Variants in ERAP1 observed in about 807,000 individuals in gnomAD.
ERAP1 encodes adipocyte-derived leucine aminopeptidase.
ERAP1 carries 86 observed loss-of-function variants against 103.7 expected under a neutral mutation model. The observed-to-expected ratio is 0.83, with a 90% CI of 0.70 to 0.99. The LOEUF (loss-of-function observed/expected upper bound fraction) is 0.99, where lower values mean the gene tolerates loss of function less well. Ranked by LOEUF, ERAP1 falls within the 50% of genes least tolerant of loss-of-function variation. ERAP1 has a pLI of 0.00. For missense variants in ERAP1, 1,009 were observed against 1,128.4 expected, an observed-to-expected ratio of 0.89 and a Z score of 1.52; for synonymous variants, 398 against 402.4, an observed-to-expected ratio of 0.99 and a Z score of 0.13.
chr5:96,807,995 C>T, upstream of ERAP1: 4 of 985,614 alleles, frequency 4.1e-6, no homozygotes, highest in Non-Finnish European at 4.8e-6. Context: ...CGGCCCGAGC[C>T]CTAGCGGCAG....
chr5:96,767,027 T>C (rs1032324928), intron 19 of ERAP1, among the ~76,000 whole-genome samples: 3 of 152,202 alleles, frequency 2.0e-5, no homozygotes, highest in African/African-American at 4.8e-5. Context: ...CTTTGGGAAA[T>C]TTATTATTTA....
the ERAP1 span, chr5:96,918,237 C>T: frequency 6.6e-6 from 1 of 152,384 alleles, no homozygotes. Context: ...TATTTAGCCT[C>T]AAGTGACTTT....
chr5:96,854,454 CA>C, the ERAP1 span, among the ~76,000 whole-genome samples: 16 of 148,800 alleles, frequency 1.1e-4, no homozygotes, highest in East Asian at 3.9e-4. Flanking sequence ...AAACAAACAA[CA>C]AAAAAAAAAC....
chr5:96,829,469 A>G, the ERAP1 span, among the ~76,000 whole-genome samples: 2 of 152,210 alleles, frequency 1.3e-5, no homozygotes, highest in African/African-American at 4.8e-5. Flanking sequence ...ATACATTAAG[A>G]CTTCCGGATT....
the ERAP1 span, among the ~76,000 whole-genome samples, chr5:96,892,929 T>A: frequency 3.3e-5 from 5 of 152,200 alleles, no homozygotes; most frequent in African/African-American, 1.2e-4. Context: ...CCTGGGCACA[T>A]ACCTAACTCT....
chr5:96,887,036 G>A, the ERAP1 span, among the ~76,000 whole-genome samples: 1 of 146,074 alleles, frequency 6.8e-6, no homozygotes, highest in Admixed American at 6.9e-5. Context: ...CATAGTAACA[G>A]TATTTACTTA....
the ERAP1 span, chr5:96,915,752 A>G: frequency 1.2e-6 from 2 of 1,602,218 alleles, no homozygotes; most frequent in Non-Finnish European, 1.7e-6. Context: ...CTTTTCTTCC[A>G]AGGATAAGTT....
the ERAP1 span, chr5:96,814,455 T>G: frequency 2.8e-6 from 1 of 355,636 alleles, no homozygotes; most frequent in South Asian, 2.3e-5. Flanking sequence ...TAGTCTGTGT[T>G]TTTGAGGCAG....
chr5:96,888,543 C>T, the ERAP1 span, among the ~76,000 whole-genome samples: 4 of 152,052 alleles, frequency 2.6e-5, no homozygotes, highest in Non-Finnish European at 5.9e-5. Context: ...AAATGGTGGC[C>T]GTTTACATTT....
the ERAP1 span, chr5:96,896,276 C>A: frequency 1.0e-6 from 1 of 959,980 alleles, no homozygotes; most frequent in Non-Finnish European, 1.5e-6. Flanking sequence ...CGATTGAAAT[C>A]TTACCTCTAA....
intron 1 of ERAP1, chr5:96,805,834 G>A (rs1319895918): frequency 6.6e-6 from 1 of 152,258 alleles, no homozygotes; most frequent in African/African-American, 2.4e-5. Context: ...GTTCAAGCAT[G>A]TAAGGACTCT....
chr5:96,853,627 T>C, the ERAP1 span, among the ~76,000 whole-genome samples: 1 of 152,094 alleles, frequency 6.6e-6, no homozygotes, highest in African/African-American at 2.4e-5. Context: ...TTATGATGTG[T>C]ATTTATTCAC....
At chr5:96,791,404 C>T (rs1296343579) in intron 8 of ERAP1, among the ~76,000 whole-genome samples, 2 of 152,176 alleles carry the variant, frequency 1.3e-5, no homozygotes, top group African/African-American at 4.8e-5. Flanking sequence ...GGTAAAACAA[C>T]AGCCAAGCAC....
At chr5:96,905,164 G>C in the ERAP1 span, among the ~76,000 whole-genome samples, 1 of 152,180 alleles carries the variant, frequency 6.6e-6, no homozygotes, top group African/African-American at 2.4e-5. Context: ...TATTTGAAAT[G>C]TCATGACATG....
chr5:96,924,733 G>A, the ERAP1 span, among the ~76,000 whole-genome samples: 2 of 152,004 alleles, frequency 1.3e-5, no homozygotes, highest in African/African-American at 2.4e-5. Context: ...GAGTAGCCGG[G>A]ACTACAGGCA....
chr5:96,779,926 C>A (rs571587860), intron 18 of ERAP1, among the ~76,000 whole-genome samples: 4 of 152,260 alleles, frequency 2.6e-5, no homozygotes, highest in South Asian at 4.1e-4. Context: ...TATCACCTGT[C>A]CATTATGTAT....
the ERAP1 span, among the ~76,000 whole-genome samples, chr5:96,830,393 A>G: frequency 6.6e-6 from 1 of 152,200 alleles, no homozygotes; most frequent in East Asian, 1.9e-4. Context: ...CCAGGTTTGT[A>G]ACTTCAAAAA....
the ERAP1 span, chr5:96,903,328 G>T: frequency 7.0e-7 from 1 of 1,430,968 alleles, no homozygotes; most frequent in South Asian, 1.3e-5. Context: ...GAGATGTTCT[G>T]AATAAGTTTG....
At chr5:96,896,434 G>C in the ERAP1 span, 1 of 1,613,000 alleles carries the variant, frequency 6.2e-7, no homozygotes, top group Non-Finnish European at 8.5e-7. Flanking sequence ...AATTCATCCC[G>C]CCCTATCTCC....
Sources: gnomAD v4.1 joint callset for allele counts (sites outside exome capture counted in the v4.1 genomes callset) on GRCh38, gnomAD v4.1.1 for gene constraint, MANE v1.5 for transcripts, NCBI Gene and HGNC (gene_info 2026-07-23, HGNC 2026-07-21) for gene names.